Variants in AHCYL2 observed in about 807,000 individuals in gnomAD.
AHCYL2 encodes adenosylhomocysteinase like 2, also known as S-adenosylhomocysteine hydrolase-like protein 2.
AHCYL2 carries 28 observed loss-of-function variants against 81.4 expected under a neutral mutation model. The observed-to-expected ratio is 0.34, with a 90% CI of 0.25 to 0.47. The LOEUF is 0.47. Among genes scored for constraint, AHCYL2 ranks in the 20% least tolerant of loss-of-function variants. The pLI, the probability that AHCYL2 is intolerant of heterozygous loss-of-function variation, is 1.00. For synonymous variants in AHCYL2, 272 were observed against 290.2 expected (o/e 0.94, Z 0.64); for missense variants, 551 against 785.1 (o/e 0.70, Z 3.56).
intron 1 of AHCYL2, among the ~76,000 whole-genome samples, chr7:129,258,340 C>T (rs959486387): frequency 1.9e-4 from 29 of 150,852 alleles, no homozygotes; most frequent in Admixed American, 1.9e-3. Context: ...AAAATACTAA[C>T]CTTATGCCTA....
chr7:129,295,282 A>C (rs1797015670), intron 1 of AHCYL2, among the ~76,000 whole-genome samples: 1 of 152,252 alleles, frequency 6.6e-6, no homozygotes, highest in Non-Finnish European at 1.5e-5. Flanking sequence ...TCTGGTTTTA[A>C]AGGATTTAAC....
rs1281937996 is a variant in AHCYL2, at chr7:129,388,140, TAG to T, written c.476-911_476-910del. 11 of 152,340 alleles carry T rather than the reference TAG, an allele frequency of 7.2e-5. No homozygotes were observed. The South Asian group carries it at 2.3e-3, about 32-fold the overall frequency. The allele number at this position is 152,340 out of a possible 1,614,324, so 9.4% of individuals were successfully genotyped here. Reference sequence around the variant, plus strand: ...CCATTGAGAGATACAAAGCGTTTTCTAGAGAGTGTTTCTTAACCCCCCAAAAA... The same window carrying T: ...CCATTGAGAGATACAAAGCGTTTTCTAGAGTGTTTCTTAACCCCCCAAAAA... On this transcript the variant is annotated intron_variant, in intron 2 of 16. Coordinates refer to ENST00000325006, the MANE Select transcript of AHCYL2 (RefSeq NM_015328.4).
At chr7:129,250,173 A>G (rs1476464293) in intron 1 of AHCYL2, among the ~76,000 whole-genome samples, 12 of 152,076 alleles carry the variant, frequency 7.9e-5, no homozygotes, top group South Asian at 2.1e-4. Context: ...GTGGTGTGCA[A>G]TTGTAGTCCT....
intron 1 of AHCYL2, among the ~76,000 whole-genome samples, chr7:129,308,278 T>C (rs1302751393): frequency 6.6e-6 from 1 of 151,920 alleles, no homozygotes; most frequent in East Asian, 1.9e-4. Flanking sequence ...GACTGCTGGG[T>C]TGGGTGATTC....
At chr7:129,235,848 A>G (rs192810760) in intron 1 of AHCYL2, among the ~76,000 whole-genome samples, 16 of 152,182 alleles carry the variant, frequency 1.1e-4, no homozygotes, top group African/African-American at 3.6e-4. Flanking sequence ...CTAAGTCTAT[A>G]TTGTTGTTTC....
At chr7:129,410,737 G>A (rs539223747) in intron 11 of AHCYL2, among the ~76,000 whole-genome samples, 11 of 152,272 alleles carry the variant, frequency 7.2e-5, no homozygotes, top group Admixed American at 3.3e-4. Context: ...ATGCAGAAAT[G>A]GCTAGTTTCC....
intron 2 of AHCYL2, among the ~76,000 whole-genome samples, chr7:129,387,652 G>A (rs1036374789): frequency 2.0e-5 from 3 of 152,088 alleles, no homozygotes; most frequent in Admixed American, 6.5e-5. Context: ...TGATTTATTA[G>A]GTATTTCTGA....
In AHCYL2 at chr7:129,226,101, C is replaced by T. The variant is rs368576092; in HGVS notation, c.363+662C>T. 7.4e-4 allele frequency among the ~76,000 whole-genome samples: 113 copies of T among 152,262 alleles called. 2 individuals carry two copies. In the South Asian group the frequency reaches 0.018, roughly 24 times the overall value. ...CTCCCTGCTGGGTATAGTTGGTCAC[C>T]AGGATTATTAGGCTGTGTATGAAGA... On this transcript the variant is annotated intron_variant, in intron 1 of 16. Transcript: ENST00000325006.
intron 1 of AHCYL2, among the ~76,000 whole-genome samples, chr7:129,227,322 A>G (rs1426445440): frequency 4.6e-5 from 7 of 151,990 alleles, no homozygotes; most frequent in Admixed American, 3.3e-4. Context: ...ACAGTTCAAT[A>G]TATTCTATAT....
intron 1 of AHCYL2, among the ~76,000 whole-genome samples, chr7:129,262,801 G>T (rs1388887434): frequency 6.6e-6 from 1 of 152,094 alleles, no homozygotes; most frequent in Non-Finnish European, 1.5e-5. Flanking sequence ...CAGTTGGGGG[G>T]CTTAGAATTT....
intron 1 of AHCYL2, among the ~76,000 whole-genome samples, chr7:129,336,566 T>C (rs902651685): frequency 2.6e-5 from 4 of 152,084 alleles, no homozygotes; most frequent in African/African-American, 9.7e-5. Context: ...CTGTAGACAG[T>C]TGGGAATCAC....
chr7:129,398,684 A>AT (rs903842258), intron 5 of AHCYL2, among the ~76,000 whole-genome samples: 71 of 144,270 alleles, frequency 4.9e-4, no homozygotes, highest in African/African-American at 1.1e-3. Context: ...CGGCTGCCCC[A>AT]TTTTTTTTTT....
Position 129,389,027 on chromosome 7 carries a change from TCCGAGTG to T in AHCYL2, c.476-28_476-22del, listed in dbSNP as rs1584867441. The T allele has an allele frequency of 8.2e-6, 13 of 1,582,212 alleles. No individual in the cohort carries two copies. In the Admixed American group the frequency reaches 9.8e-5, roughly 12 times the overall value. ...ATTTTAGAGGAAGCATTTTTTTTTT[TCCGAGTG>T]TTTTTTATTCTGTCATTCCAGCGGC... On this transcript the variant is annotated intron_variant, in intron 2 of 16. Transcript: ENST00000325006.
intron 1 of AHCYL2, chr7:129,377,607 T>A (rs755934961): frequency 3.7e-5 from 17 of 456,606 alleles, no homozygotes; most frequent in Non-Finnish European, 5.7e-5. Context: ...CAAGGAACCA[T>A]CTTTTTATCA....
At chr7:129,361,546 A>G (rs1256468490) in intron 1 of AHCYL2, among the ~76,000 whole-genome samples, 2 of 152,236 alleles carry the variant, frequency 1.3e-5, no homozygotes, top group East Asian at 1.9e-4. Flanking sequence ...TTCTTCATGT[A>G]TAAGAAGAGA....
intron 2 of AHCYL2, among the ~76,000 whole-genome samples, chr7:129,382,506 A>G (rs1301990505): frequency 2.0e-5 from 3 of 152,188 alleles, no homozygotes; most frequent in East Asian, 3.9e-4. Context: ...AGTCTGAGGC[A>G]TGAGAATCGC....
chr7:129,300,025 C>G (rs551227641), intron 1 of AHCYL2, among the ~76,000 whole-genome samples: 1 of 151,966 alleles, frequency 6.6e-6, no homozygotes, highest in Non-Finnish European at 1.5e-5. Flanking sequence ...TTCGTGGGTA[C>G]ATAGTAGGTG....
At chr7:129,322,176 G>T (rs1318928202) in intron 1 of AHCYL2, among the ~76,000 whole-genome samples, 1 of 151,872 alleles carries the variant, frequency 6.6e-6, no homozygotes, top group Non-Finnish European at 1.5e-5. Context: ...TGTTTGCCCT[G>T]TTACCCAGGC....
rs549340397 is a variant in AHCYL2, at chr7:129,372,534, G to A, written c.364-7104G>A. Among the ~76,000 whole-genome samples the A allele has an allele frequency of 3.3e-5, 5 of 152,272 alleles. No individual in the cohort carries two copies. The South Asian group carries it at 8.3e-4, about 25-fold the overall frequency. ...TAAAGAAAGATCACCTCAGCTGGGC[G>A]TGGTGCCTCATGCCTGTAATCCCAG... On this transcript the variant is annotated intron_variant, in intron 1 of 16. Transcript: ENST00000325006.
Sources: allele counts gnomAD v4.1 joint callset (sites outside exome capture counted in the v4.1 genomes callset), GRCh38; gene constraint gnomAD v4.1.1; transcripts MANE v1.5; gene names NCBI Gene and HGNC (gene_info 2026-07-23, HGNC 2026-07-21).